The following DENND1A variants were observed in gnomAD, a reference collection of about 807,000 sequenced individuals.
The protein encoded by DENND1A is DENN domain-containing protein 1A.
In DENND1A, 51 loss-of-function variants were observed where a neutral mutation model predicts 113.7. The observed-to-expected ratio is 0.45, with a 90% CI of 0.36 to 0.57. The LOEUF is 0.57. Among genes scored for constraint, DENND1A ranks in the 20% least tolerant of loss-of-function variants. The pLI is 0.00. For missense variants in DENND1A, 1,258 were observed against 1,395.9 expected, an observed-to-expected ratio of 0.90 and a Z score of 1.57; for synonymous variants, 565 against 570.8, an observed-to-expected ratio of 0.99 and a Z score of 0.14.
chr9:123,457,479 A>C, intron 14 of DENND1A, 44 bp from the exon 15 acceptor site: 1 of 1,512,812 alleles, frequency 6.6e-7, no homozygotes, highest in South Asian at 1.1e-5. Flanking sequence ...GTACAAAGAA[A>C]AGGGGGAAAA....
chr9:123,591,974 T>G (rs146357391), intron 11 of DENND1A, among the ~76,000 whole-genome samples: 1 of 152,362 alleles, frequency 6.6e-6, no homozygotes, highest in Non-Finnish European at 1.5e-5. Flanking sequence ...ACAGCCAGAT[T>G]CAAGCCCTGC....
At chr9:123,410,403 A>G (rs1261167977) in intron 20 of DENND1A, among the ~76,000 whole-genome samples, 1 of 152,194 alleles carries the variant, frequency 6.6e-6, no homozygotes, top group Non-Finnish European at 1.5e-5. Flanking sequence ...GTGAGCAGAC[A>G]TATTCTAGCT....
intron 10 of DENND1A, among the ~76,000 whole-genome samples, chr9:123,610,880 A>G (rs1015725444): frequency 6.6e-6 from 1 of 152,242 alleles, no homozygotes; most frequent in Non-Finnish European, 1.5e-5. Flanking sequence ...GGAGGTTTCT[A>G]AACATCACAT....
intron 5 of DENND1A, among the ~76,000 whole-genome samples, chr9:123,753,705 T>G (rs1055044946): frequency 1.2e-4 from 7 of 57,252 alleles, no homozygotes; most frequent in Middle Eastern, 6.9e-3. Context: ...CTGCTGGAGA[T>G]GCATGCATAG....
At chr9:123,499,656 G>A (rs760805558) in intron 13 of DENND1A, among the ~76,000 whole-genome samples, 7 of 152,140 alleles carry the variant, frequency 4.6e-5, no homozygotes, top group African/African-American at 7.2e-5. Flanking sequence ...GCAATTTACC[G>A]CCAAACCCAC....
At chr9:123,479,211 T>C (rs2050143583) in intron 13 of DENND1A, among the ~76,000 whole-genome samples, 1 of 152,176 alleles carries the variant, frequency 6.6e-6, no homozygotes, top group Non-Finnish European at 1.5e-5. Flanking sequence ...ACGTGAGACA[T>C]GTCTGAGTCT....
chr9:123,387,655 G>GC (rs1483393487), intron 22 of DENND1A, 75 bp downstream of exon 22: 10 of 1,270,784 alleles, frequency 7.9e-6, no homozygotes, highest in Middle Eastern at 2.2e-4. Context: ...AGCAGCACCA[G>GC]CCCCCCGCTT....
intron 18 of DENND1A, among the ~76,000 whole-genome samples, chr9:123,447,044 G>T (rs775770582): frequency 2.6e-5 from 4 of 152,210 alleles, no homozygotes; most frequent in Non-Finnish European, 4.4e-5. Flanking sequence ...GCATTCTCAT[G>T]CCAGCCCTGC....
chr9:123,769,843 G>A (rs558230893), intron 3 of DENND1A, among the ~76,000 whole-genome samples: 1 of 152,298 alleles, frequency 6.6e-6, no homozygotes, highest in South Asian at 2.1e-4. Context: ...CGGTTGGGTT[G>A]CTGAGTGTTA....
At chr9:123,658,917 G>C (rs1367693448) in intron 8 of DENND1A, among the ~76,000 whole-genome samples, 1 of 152,194 alleles carries the variant, frequency 6.6e-6, no homozygotes, top group Non-Finnish European at 1.5e-5. Context: ...CCAGGGCCCA[G>C]ACCAGGCAGC....
chr9:123,847,768 C>G (rs940652320), intron 2 of DENND1A, among the ~76,000 whole-genome samples: 1 of 152,140 alleles, frequency 6.6e-6, no homozygotes, highest in African/African-American at 2.4e-5. Flanking sequence ...AACCTTGTCT[C>G]TACCGAAAAT....
At chr9:123,448,445 T>A (rs1224235301) in intron 18 of DENND1A, among the ~76,000 whole-genome samples, 1 of 152,198 alleles carries the variant, frequency 6.6e-6, no homozygotes, top group East Asian at 1.9e-4. Context: ...GCATGGGGCC[T>A]TTGCCTGAGG....
intron 11 of DENND1A, among the ~76,000 whole-genome samples, chr9:123,586,687 G>A (rs2059180888): frequency 6.6e-6 from 1 of 152,166 alleles, no homozygotes; most frequent in East Asian, 1.9e-4. Context: ...CCAGCTCGCT[G>A]GACAGTGCCC....
chr9:123,470,460 G>A (rs1230222179), intron 13 of DENND1A, among the ~76,000 whole-genome samples: 1 of 152,016 alleles, frequency 6.6e-6, no homozygotes, highest in East Asian at 1.9e-4. Flanking sequence ...GCGCCAAGCT[G>A]ATTAGAGATT....
At chr9:123,497,813 C>CAAAAAA (rs755257150) in intron 13 of DENND1A, among the ~76,000 whole-genome samples, 2 of 101,766 alleles carry the variant, frequency 2.0e-5, no homozygotes, top group Non-Finnish European at 2.0e-5. Context: ...CTCTTCCATC[C>CAAAAAA]AAAAAAAAAA....
chr9:123,910,324 T>C (rs898576973), intron 1 of DENND1A, among the ~76,000 whole-genome samples: 1 of 152,174 alleles, frequency 6.6e-6, no homozygotes, highest in Non-Finnish European at 1.5e-5. Flanking sequence ...TACAAACGTA[T>C]ACCTGATTTA....
At chr9:123,386,604 G>A (rs1376276420) in intron 22 of DENND1A, among the ~76,000 whole-genome samples, 1 of 152,092 alleles carries the variant, frequency 6.6e-6, no homozygotes, top group African/African-American at 2.4e-5. Context: ...GGCTGGTCTC[G>A]AACTCCTGGC....
At chr9:123,734,053 C>T (rs528867932) in intron 5 of DENND1A, among the ~76,000 whole-genome samples, 4 of 152,276 alleles carry the variant, frequency 2.6e-5, no homozygotes, top group East Asian at 3.9e-4. Context: ...ACTGTAGCCT[C>T]GAACTCCTGG....
intron 5 of DENND1A, among the ~76,000 whole-genome samples, chr9:123,721,962 G>A (rs1464909679): frequency 6.6e-6 from 1 of 152,232 alleles, no homozygotes; most frequent in Non-Finnish European, 1.5e-5. Context: ...GTAACAGGCA[G>A]AGACTGGAAC....
Sources: gnomAD v4.1 joint callset for allele counts (sites outside exome capture counted in the v4.1 genomes callset) on GRCh38, gnomAD v4.1.1 for gene constraint, MANE v1.5 for transcripts, NCBI Gene and HGNC (gene_info 2026-07-23, HGNC 2026-07-21) for gene names.